The following WDR17 variants were observed in gnomAD, a reference collection of about 807,000 sequenced individuals.
WDR17 encodes WD repeat-containing protein 17.
A neutral mutation model predicts 161.7 loss-of-function variants in WDR17; 143 were observed. The observed-to-expected ratio is 0.88, with a 90% CI of 0.77 to 1.02. The LOEUF is 1.02. Among genes scored for constraint, WDR17 ranks in the 50% least tolerant of loss-of-function variants. The pLI is 0.00. For synonymous variants in WDR17, 517 were observed against 515.6 expected (o/e 1.00, Z -0.04); for missense variants, 1,469 against 1,520.9 (o/e 0.97, Z 0.57).
At position 176,147,267 on chromosome 4, in the gene WDR17, A is replaced by G. The variant is rs1746337695; in HGVS notation, c.1695-866A>G. Among the ~76,000 whole-genome samples, 4 of 152,220 alleles carry G rather than the reference A, an allele frequency of 2.6e-5. No individual in the cohort carries two copies. The South Asian group carries it at 6.2e-4, about 24-fold the overall frequency. On this transcript the variant is annotated intron_variant, in intron 12 of 28. Coordinates refer to ENST00000508596, the MANE Select transcript of WDR17 (RefSeq NM_181265.4). ...AAAATAGTAATACTTTTGAAGTACT[A>G]CTATTTTGTTGTCAGTTTGGCATAT...
intron 11 of WDR17, among the ~76,000 whole-genome samples, chr4:176,144,236 T>C (rs182487025): frequency 1.3e-5 from 2 of 152,334 alleles, no homozygotes; most frequent in African/African-American, 4.8e-5. Context: ...GACCCCCATA[T>C]GAAGTAAGTT....
Position 176,150,598 on chromosome 4 carries a change from G to A in WDR17, c.2304+5G>A, listed in dbSNP as rs1746959404. The A allele has an allele frequency of 1.3e-6, 2 of 1,584,902 alleles. No individual in the cohort carries two copies. Among genetic ancestry groups the A allele is most frequent in the Non-Finnish European group, 1.7e-6 (2 of 1,169,932 alleles). ...CATCTGATTAAATTTAGAACAGTGAGTAAAATATGCAAATATGATGTACTC... is the reference window on the plus strand; with the variant it reads ...CATCTGATTAAATTTAGAACAGTGAATAAAATATGCAAATATGATGTACTC... On this transcript the variant is annotated splice_donor_5th_base_variant and intron_variant, in intron 16 of 28. Transcript: ENST00000508596.
At chr4:176,111,969 T>C (rs1739834840) in intron 2 of WDR17, among the ~76,000 whole-genome samples, 1 of 152,204 alleles carries the variant, frequency 6.6e-6, no homozygotes, top group Non-Finnish European at 1.5e-5. Context: ...GAGATCATTA[T>C]AGTAAAATTA....
At chr4:176,109,070 A>G (rs550099943) in intron 1 of WDR17, among the ~76,000 whole-genome samples, 2 of 152,320 alleles carry the variant, frequency 1.3e-5, no homozygotes, top group African/African-American at 4.8e-5. Flanking sequence ...GATTACAGGC[A>G]TAAGCCCCTG....
intron 7 of WDR17, 30 bp downstream of exon 7, chr4:176,131,768 A>G (rs369270280): frequency 5.4e-6 from 8 of 1,486,640 alleles, no homozygotes; most frequent in Non-Finnish European, 7.2e-6. Context: ...TTTATTATAC[A>G]TAATAGTTTT....
rs147637603 is a variant in WDR17, at chr4:176,111,793, A to G, written c.123+90A>G. 75 of 1,144,460 alleles carry G rather than the reference A, an allele frequency of 6.6e-5. No homozygotes were observed. The East Asian group carries it at 2.3e-3, about 35-fold the overall frequency. 70.9% of individuals were successfully genotyped at this position (1,144,460 alleles called of 1,614,324 possible). On this transcript the variant is annotated intron_variant, in intron 2 of 28. Transcript: ENST00000508596. ...ATTTTAAGTCCTTGTTACATGAAAA[A>G]CATAATGCTATAATTCCATTTATAT... is the stretch of plus-strand genomic sequence containing the variant.
intron 4 of WDR17, among the ~76,000 whole-genome samples, chr4:176,121,869 G>A (rs1405619129): frequency 1.3e-5 from 2 of 152,150 alleles, no homozygotes; most frequent in East Asian, 3.8e-4. Flanking sequence ...TCTGAGATAT[G>A]TGCCTTCCAG....
chr4:176,075,048 A>T (rs6553910), intron 1 of WDR17, among the ~76,000 whole-genome samples: 17 of 151,552 alleles, frequency 1.1e-4, no homozygotes, highest in Non-Finnish European at 2.2e-4. Context: ...TTTTAAATGC[A>T]GAAACATAAG....
intron 1 of WDR17, among the ~76,000 whole-genome samples, chr4:176,104,603 G>A (rs1738388639): frequency 6.6e-6 from 1 of 151,952 alleles, no homozygotes. Flanking sequence ...AAAGGTGTGG[G>A]GTTGGAGTTT....
chr4:176,095,515 T>A (rs981440048), intron 1 of WDR17, among the ~76,000 whole-genome samples: 6 of 152,170 alleles, frequency 3.9e-5, no homozygotes, highest in African/African-American at 1.4e-4. Flanking sequence ...TACTTGTGTA[T>A]CTTCCTATGC....
chr4:176,101,737 A>G (rs1015579860), intron 1 of WDR17, among the ~76,000 whole-genome samples: 6 of 152,136 alleles, frequency 3.9e-5, no homozygotes, highest in Admixed American at 3.3e-4. Flanking sequence ...AATATACTCA[A>G]CTGATATTTG....
intron 22 of WDR17, among the ~76,000 whole-genome samples, chr4:176,167,469 AC>A (rs1268349148): frequency 1.5e-3 from 228 of 150,162 alleles, no homozygotes; most frequent in Admixed American, 2.6e-3. Flanking sequence ...ACACGGTGAA[AC>A]CCCGTCTCTA....
In WDR17 at chr4:176,173,578, G is replaced by A. The variant is rs182013035; in HGVS notation, c.3347+209G>A. Among the ~76,000 whole-genome samples, 43 of 152,160 alleles carry A rather than the reference G, an allele frequency of 2.8e-4. No homozygotes were observed. In the East Asian group the frequency reaches 6.2e-3, roughly 22 times the overall value. Reference sequence around the variant, plus strand: ...GTCGCCCAGGCTGGAGTGCAGTGGCGTGATCTCAGCTCACTGCAAGCTCCG... The same window carrying A: ...GTCGCCCAGGCTGGAGTGCAGTGGCATGATCTCAGCTCACTGCAAGCTCCG... On this transcript the variant is annotated intron_variant, in intron 25 of 28. Transcript: ENST00000508596.
intron 27 of WDR17, 130 bp from the exon 28 acceptor site, chr4:176,177,341 A>G (rs1751590513): frequency 9.7e-7 from 1 of 1,031,830 alleles, no homozygotes; most frequent in Non-Finnish European, 1.4e-6. Context: ...TTTACTATAA[A>G]TTAAGTCTAA....
rs774864519 is a variant in WDR17 at position 176,163,296 on chromosome 4, A to G, written c.2990+3A>G. ...AAGTGCATGATGATTTCAGTATGGTAAGAATTTTGAAATTCAAAGAATAAT... is the reference window on the plus strand; with the variant it reads ...AAGTGCATGATGATTTCAGTATGGTGAGAATTTTGAAATTCAAAGAATAAT... On this transcript the variant is annotated splice_donor_region_variant and intron_variant, in intron 22 of 28. Coordinates refer to ENST00000508596, the MANE Select transcript of WDR17 (RefSeq NM_181265.4). The G allele has an allele frequency of 2.0e-5, 31 of 1,588,710 alleles. No individual in the cohort carries two copies. The highest frequency in any genetic ancestry group is 3.4e-4 in the Middle Eastern group (2 of 5,928).
intron 4 of WDR17, among the ~76,000 whole-genome samples, chr4:176,124,203 G>T (rs1021474213): frequency 2.0e-5 from 3 of 152,148 alleles, no homozygotes; most frequent in Non-Finnish European, 4.4e-5. Context: ...TTCTGTTAAG[G>T]CCGCAGTCTC....
chr4:176,089,456 G>T (rs1735834222), intron 1 of WDR17, among the ~76,000 whole-genome samples: 1 of 152,080 alleles, frequency 6.6e-6, no homozygotes, highest in Non-Finnish European at 1.5e-5. Flanking sequence ...TCAGAGTCTG[G>T]TTCTTAGCAA....
In WDR17 at chr4:176,128,830, C is replaced by A. The variant is rs1742892997; in HGVS notation, c.883C>A (p.His295Asn). The A allele has an allele frequency of 6.3e-7, 1 of 1,592,204 alleles. No individual in the cohort carries two copies. Among genetic ancestry groups the A allele is most frequent in the Non-Finnish European group, 8.5e-7 (1 of 1,171,604 alleles). Residue 295 changes from histidine to asparagine, a missense_variant, in exon 6 of 29, where the codon CAT becomes AAT. Transcript: ENST00000508596. Reference protein sequence around the residue: ...KLKKTGFHCLHVLNSPPRKKF... With the variant: ...KLKKTGFHCLNVLNSPPRKKF... ...AAAGAAAACAGGATTTCACTGCTTA[C>A]ATGTACTTAATTCTCCTCCAAGAAA...
chr4:176,160,780 T>C, intron 19 of WDR17, 131 bp from the exon 20 acceptor site: 1 of 769,914 alleles, frequency 1.3e-6, no homozygotes, highest in Non-Finnish European at 1.9e-6. Context: ...CCTCAAATTC[T>C]AAGATTATCT....
Sources: gnomAD v4.1 joint callset for allele counts (sites outside exome capture counted in the v4.1 genomes callset) on GRCh38, gnomAD v4.1.1 for gene constraint, MANE v1.5 for transcripts, NCBI Gene and HGNC (gene_info 2026-07-23, HGNC 2026-07-21) for gene names.